Variants in CXCL13 observed in about 807,000 individuals in gnomAD.
CXCL13 encodes the protein C-X-C motif chemokine ligand 13.
In CXCL13, 7 loss-of-function variants were observed where a neutral mutation model predicts 12.2. The observed-to-expected ratio is 0.57, with a 90% CI of 0.33 to 1.07. The LOEUF is 1.07. Ranked by LOEUF, CXCL13 falls within the 50% of genes least tolerant of loss-of-function variation. CXCL13 has a pLI of 0.04. For missense variants in CXCL13, 113 were observed against 127.4 expected (o/e 0.89, Z 0.55); for synonymous variants, 47 against 42.4 (o/e 1.11, Z -0.42).
chr4:77,589,765 A>T (rs3098856), intron 1 of CXCL13, among the ~76,000 whole-genome samples: 55,740 of 151,988 alleles, frequency 0.37, 12,479 homozygotes, highest in African/African-American at 0.62. Flanking sequence ...TTTTCTGGAG[A>T]CATGGACATT....
At chr4:77,535,760 A>G (rs1725043970) in intron 1 of CXCL13, among the ~76,000 whole-genome samples, 1 of 152,120 alleles carries the variant, frequency 6.6e-6, no homozygotes, top group Non-Finnish European at 1.5e-5. Flanking sequence ...CAGCCAACAA[A>G]TAACTAGATC....
At chr4:77,514,483 T>C (rs1376470909) in intron 1 of CXCL13, among the ~76,000 whole-genome samples, 1 of 145,474 alleles carries the variant, frequency 6.9e-6, no homozygotes, top group Non-Finnish European at 1.5e-5. Context: ...TCCTGACTTT[T>C]TAATGATTGC....
chr4:77,543,291 T>A (rs950592933), intron 1 of CXCL13, among the ~76,000 whole-genome samples: 2 of 152,138 alleles, frequency 1.3e-5, no homozygotes, highest in African/African-American at 4.8e-5. Context: ...ATCAATCTTG[T>A]TGATCCTTTC....
chr4:77,548,640 G>A lies in CXCL13; in HGVS notation c.-43+36852G>A, dbSNP rs368232848. 5.5e-4 allele frequency among the ~76,000 whole-genome samples: 84 copies of A among 152,168 alleles called. 1 individual carries two copies. In the South Asian group the frequency reaches 8.7e-3, roughly 16 times the overall value. On this transcript the variant is annotated intron_variant, in intron 1 of 4. Transcript: ENST00000286758. The stretch of plus-strand genomic sequence containing the variant: ...GCTGGTACTAGAAAATAATCTTTTC[G>A]TTAAGAATGTGGAATATTGGCCCCC...
chr4:77,530,384 C>A (rs1204727399), intron 1 of CXCL13, among the ~76,000 whole-genome samples: 4 of 152,094 alleles, frequency 2.6e-5, no homozygotes, highest in African/African-American at 9.7e-5. Flanking sequence ...TGGTAGAACT[C>A]GGCTGTGAAT....
chr4:77,519,134 T>C (rs547314480), intron 1 of CXCL13, among the ~76,000 whole-genome samples: 1 of 152,268 alleles, frequency 6.6e-6, no homozygotes, highest in South Asian at 2.1e-4. Flanking sequence ...AATGCTGCTG[T>C]CTGATCGTTC....
intron 1 of CXCL13, among the ~76,000 whole-genome samples, chr4:77,539,066 T>G (rs1362656747): frequency 1.3e-5 from 2 of 152,068 alleles, no homozygotes; most frequent in East Asian, 3.9e-4. Flanking sequence ...TGACCTTTTT[T>G]TTTTTTTTTT....
chr4:77,591,654 A>C (rs941387672), intron 1 of CXCL13, among the ~76,000 whole-genome samples: 3 of 152,182 alleles, frequency 2.0e-5, no homozygotes, highest in African/African-American at 7.2e-5. Context: ...AATCCCCAGA[A>C]ATTTTGATTC....
intron 1 of CXCL13, among the ~76,000 whole-genome samples, chr4:77,544,505 G>A (rs1218411308): frequency 6.6e-6 from 1 of 152,194 alleles, no homozygotes; most frequent in East Asian, 1.9e-4. Context: ...CAGTGATGAT[G>A]AGCATTTTTT....
intron 1 of CXCL13, among the ~76,000 whole-genome samples, chr4:77,540,336 T>C (rs1357424025): frequency 6.6e-6 from 1 of 152,150 alleles, no homozygotes; most frequent in African/African-American, 2.4e-5. Flanking sequence ...GATGTTGAGT[T>C]TTGGGGTATG....
At chr4:77,566,949 T>A (rs1725937097) in intron 1 of CXCL13, among the ~76,000 whole-genome samples, 1 of 152,214 alleles carries the variant, frequency 6.6e-6, no homozygotes, top group Non-Finnish European at 1.5e-5. Context: ...TACATCCAGA[T>A]GGCCTGAAGC....
intron 1 of CXCL13, among the ~76,000 whole-genome samples, chr4:77,533,994 T>C (rs1236377106): frequency 6.6e-6 from 1 of 152,202 alleles, no homozygotes; most frequent in African/African-American, 2.4e-5. Flanking sequence ...GGTGAGGCAA[T>C]GTGCTGCCCT....
chr4:77,578,100 A>C (rs564439939), intron 1 of CXCL13, among the ~76,000 whole-genome samples: 1 of 152,304 alleles, frequency 6.6e-6, no homozygotes, highest in Admixed American at 6.5e-5. Context: ...AAAGGGTAAA[A>C]GTCCTTTTTT....
chr4:77,583,587 T>C (rs2109826215), intron 1 of CXCL13, among the ~76,000 whole-genome samples: 1 of 152,350 alleles, frequency 6.6e-6, no homozygotes, highest in African/African-American at 2.4e-5. Context: ...GTGCCTTTTG[T>C]GCACCTCAGG....
At chr4:77,543,937 C>T (rs1246348898) in intron 1 of CXCL13, among the ~76,000 whole-genome samples, 1 of 152,060 alleles carries the variant, frequency 6.6e-6, no homozygotes, top group African/African-American at 2.4e-5. Flanking sequence ...GTGATGTTCC[C>T]CACCCTGTGT....
chr4:77,577,232 C>T (rs1726219972), intron 1 of CXCL13, among the ~76,000 whole-genome samples: 1 of 152,126 alleles, frequency 6.6e-6, no homozygotes. Context: ...AGCAAGCCTC[C>T]TTAACCATAG....
chr4:77,604,377 T>C (rs932679454), upstream of CXCL13, among the ~76,000 whole-genome samples: 8 of 152,186 alleles, frequency 5.3e-5, no homozygotes, highest in African/African-American at 1.9e-4. Flanking sequence ...TTGTTCTGAA[T>C]AACCTTCTTT....
chr4:77,525,615 C>A (rs1389933292), intron 1 of CXCL13, among the ~76,000 whole-genome samples: 1 of 147,676 alleles, frequency 6.8e-6, no homozygotes, highest in Non-Finnish European at 1.5e-5. Context: ...ACAGTTGAGT[C>A]TTTTTTTTTT....
rs143329218 is a variant in CXCL13, at chr4:77,518,618, G to A, written c.-43+6830G>A. Among the ~76,000 whole-genome samples, 1,189 of 152,102 alleles carry A rather than the reference G, an allele frequency of 7.8e-3. 14 individuals are homozygous for A. Among genetic ancestry groups the A allele is most frequent in the African/African-American group, 0.025 (1,049 of 41,494 alleles). Reference sequence around the variant, plus strand: ...CTGAGGCTTCTGCATTCTTCACGTCGTTCTCGAGCCTTGGCTTTCAGCTTC... The same window carrying A: ...CTGAGGCTTCTGCATTCTTCACGTCATTCTCGAGCCTTGGCTTTCAGCTTC... On this transcript the variant is annotated intron_variant, in intron 1 of 4. Transcript: ENST00000286758.
Sources: allele counts gnomAD v4.1 joint callset (sites outside exome capture counted in the v4.1 genomes callset), GRCh38; gene constraint gnomAD v4.1.1; transcripts MANE v1.5; gene names NCBI Gene and HGNC (gene_info 2026-07-23, HGNC 2026-07-21).